The following CDC25B variants were observed in gnomAD, a reference collection of about 807,000 sequenced individuals.
CDC25B encodes cell division cycle 25B.
In CDC25B, 33 loss-of-function variants were observed where a neutral mutation model predicts 69.8. That is an observed-to-expected ratio of 0.47 (90% CI 0.36 to 0.63). The LOEUF is 0.63. Ranked by LOEUF, CDC25B falls within the 30% of genes least tolerant of loss-of-function variation. The pLI, the probability that CDC25B is intolerant of heterozygous loss-of-function variation, is 0.00. For missense variants in CDC25B, 727 were observed against 809.1 expected (o/e 0.90, Z 1.23); for synonymous variants, 341 against 314.6 (o/e 1.08, Z -0.89).
chr20:3,804,554 C>G lies in CDC25B; in HGVS notation c.1491-15C>G. 6.4e-7 allele frequency: 1 copy of G among 1,574,168 alleles called. No homozygotes were observed. ...CATGCCCCACTCTGACCACACCCTG[C>G]CCATGACGCCCCAGGTGCCGTTTCA... On this transcript the variant is annotated splice_polypyrimidine_tract_variant and intron_variant, in intron 14 of 15. Coordinates refer to ENST00000245960, the MANE Select transcript of CDC25B (RefSeq NM_021873.4).
upstream of CDC25B, chr20:3,795,769 G>A (rs1315739787): frequency 2.0e-6 from 2 of 985,398 alleles, no homozygotes; most frequent in Non-Finnish European, 2.4e-6. Context: ...CAGTCGCGGA[G>A]GCGGGGAGGC....
chr20:3,793,731 T>C (rs1781395333), upstream of CDC25B, among the ~76,000 whole-genome samples: 2 of 137,770 alleles, frequency 1.5e-5, no homozygotes, highest in South Asian at 2.5e-4. Flanking sequence ...GTATATCTCC[T>C]AATGCTATCC....
chr20:3,802,544 C>G (rs6107347), intron 11 of CDC25B, among the ~76,000 whole-genome samples, 168 bp downstream of exon 11: 4,943 of 152,250 alleles, frequency 0.032, 281 homozygotes, highest in African/African-American at 0.11. Context: ...TCCCTCTGGC[C>G]CTCCTTGTCT....
upstream of CDC25B, among the ~76,000 whole-genome samples, chr20:3,791,463 G>A (rs574379517): frequency 9.9e-5 from 15 of 152,186 alleles, no homozygotes; most frequent in East Asian, 7.7e-4. Context: ...CTGGTGGATC[G>A]CTTAAGCCCA....
rs1038934474 is a variant in CDC25B, at chr20:3,796,703, A to G, written c.172A>G (p.Thr58Ala). 1 of 1,563,722 alleles carries G rather than the reference A, an allele frequency of 6.4e-7. No homozygotes were observed. The highest frequency in any genetic ancestry group is 1.8e-5 in the Admixed American group (1 of 55,608). ...CTCGCCGGTCACCACCCTCACCCAG[A>G]CCATGCACGACCTCGCCGGGCTCGG... ...ASSPVTTLTQ[T>A]MHDLAGLGSE... is the part of the protein sequence containing the mutation. The change falls in exon 1 of 16, where the codon ACC (threonine) becomes GCC (alanine). Residue 58 changes from threonine to alanine, a missense_variant. Physicochemically the swap from Thr to Ala is moderately conservative, Grantham distance 58. Coordinates refer to ENST00000245960, the MANE Select transcript of CDC25B (RefSeq NM_021873.4).
chr20:3,796,336 C>T lies in CDC25B; in HGVS notation c.-196C>T. ...GAGGCTTCCCTGGCTGGTGCCTGAG[C>T]CCGGCGTCCCTCGCCCCCCGCCCTC... On this transcript the variant is annotated 5_prime_UTR_variant, in exon 1 of 16. Coordinates refer to ENST00000245960, the MANE Select transcript of CDC25B (RefSeq NM_021873.4). The T allele has an allele frequency of 1.5e-6, 2 of 1,325,100 alleles. No individual in the cohort carries two copies. The highest frequency in any genetic ancestry group is 1.9e-6 in the Non-Finnish European group (2 of 1,041,558). The allele number at this position is 1,325,100 out of a possible 1,614,324, so 82.1% of individuals were successfully genotyped here.
intron 9 of CDC25B, 43 bp from the exon 10 acceptor site, chr20:3,801,881 C>T (rs762381695): frequency 8.8e-6 from 14 of 1,586,486 alleles, no homozygotes; most frequent in African/African-American, 2.7e-5. Context: ...AGGGATGGGA[C>T]GGGGCCTGGG....
intron 1 of CDC25B, among the ~76,000 whole-genome samples, chr20:3,791,162 A>G (rs1002187102): frequency 2.0e-5 from 3 of 152,294 alleles, no homozygotes; most frequent in African/African-American, 4.8e-5. Context: ...CACCTCCCCT[A>G]TTGAAGACAA....
At position 3,798,326 on chromosome 20, in the gene CDC25B, T is replaced by G. The variant is rs905156038; in HGVS notation, c.329-86T>G. 1.5e-4 allele frequency: 105 copies of G among 693,750 alleles called. 1 individual carries two copies. The highest frequency in any genetic ancestry group is 9.5e-4 in the African/African-American group (50 of 52,906). The allele number at this position is 693,750 out of a possible 1,614,324, so 43.0% of individuals were successfully genotyped here. Reference sequence around the variant, plus strand: ...CCAAACTAGAAACTGTTTTTTTTTTTTTTTTTTTTTTCATATTGGGACATG... The same window carrying G: ...CCAAACTAGAAACTGTTTTTTTTTTGTTTTTTTTTTTCATATTGGGACATG... On this transcript the variant is annotated intron_variant, in intron 2 of 15. Transcript: ENST00000245960.
chr20:3,793,800 C>T (rs1221065247), upstream of CDC25B, among the ~76,000 whole-genome samples: 8 of 137,236 alleles, frequency 5.8e-5, no homozygotes, highest in South Asian at 2.4e-4. Context: ...CTTCCTGTGT[C>T]CATGTGTTCT....
At chr20:3,796,103 C>G (rs1600385010), upstream of CDC25B, 26 of 1,020,234 alleles carry the variant, frequency 2.5e-5, no homozygotes, top group Non-Finnish European at 3.0e-5. Flanking sequence ...GGGATCCTCG[C>G]GCCAGGGGGA....
chr20:3,797,858 C>G (rs966275983), intron 2 of CDC25B, 109 bp downstream of exon 2: 10 of 1,358,744 alleles, frequency 7.4e-6, no homozygotes, highest in Admixed American at 1.8e-5. Flanking sequence ...TCCCCACAAC[C>G]TGGTGGGCCC....
Position 3,801,337 on chromosome 20 carries a change from G to A in CDC25B, c.789G>A (p.Gly263=), listed in dbSNP as rs2089277563. ...LGRFSLTPAE[G]DTEEDDGFVD... ...GCTTCTCTCTGACCCCTGCAGAGGG[G>A]GATACTGAGGAAGATGATGGATTTG... is the stretch of plus-strand genomic sequence containing the variant. Residue 263 remains glycine (G), a synonymous_variant, in exon 8 of 16, where the codon GGG becomes GGA. Coordinates refer to ENST00000245960, the MANE Select transcript of CDC25B (RefSeq NM_021873.4). 6.2e-7 allele frequency: 1 copy of A among 1,613,888 alleles called. No homozygotes were observed. The highest frequency in any genetic ancestry group is 8.5e-7 in the Non-Finnish European group (1 of 1,179,936).
At chr20:3,796,092 C>T (rs1489341853), upstream of CDC25B, 3 of 1,012,526 alleles carry the variant, frequency 3.0e-6, no homozygotes, top group East Asian at 2.2e-4. Context: ...TTTGGGAGGC[C>T]GGGATCCTCG....
upstream of CDC25B, chr20:3,796,282 T>C: frequency 1.5e-6 from 2 of 1,354,558 alleles, no homozygotes; most frequent in East Asian, 3.2e-5. Flanking sequence ...TTCGAATATA[T>C]AAGGAGGTGG....
rs1025872460 is a variant in CDC25B, at chr20:3,797,315, C to T, written c.201-307C>T. ...CAGTTTAGGGGAAGGCTCTCTGGGGCGGCTCTGCTAGACCACCAACCCTTA... is the reference window on the plus strand; with the variant it reads ...CAGTTTAGGGGAAGGCTCTCTGGGGTGGCTCTGCTAGACCACCAACCCTTA... On this transcript the variant is annotated intron_variant, in intron 1 of 15. Transcript: ENST00000245960. Among the ~76,000 whole-genome samples the T allele has an allele frequency of 5.9e-5, 9 of 152,170 alleles. No individual in the cohort carries two copies. The East Asian group carries it at 9.6e-4, about 16-fold the overall frequency.
upstream of CDC25B, among the ~76,000 whole-genome samples, chr20:3,791,339 A>G (rs2088912248): frequency 6.6e-6 from 1 of 152,136 alleles, no homozygotes; most frequent in African/African-American, 2.4e-5. Context: ...TTGTCCTTCA[A>G]TAGTCCAGTC....
intron 4 of CDC25B, 52 bp from the exon 5 acceptor site, chr20:3,800,410 G>A (rs1354704752): frequency 6.2e-7 from 1 of 1,612,230 alleles, no homozygotes; most frequent in Non-Finnish European, 8.5e-7. Context: ...GCATGCTCTT[G>A]GTCCCTGCCC....
chr20:3,795,199 A>G (rs1464574185), upstream of CDC25B, among the ~76,000 whole-genome samples: 1 of 152,066 alleles, frequency 6.6e-6, no homozygotes, highest in Non-Finnish European at 1.5e-5. Context: ...CGTCTCTACT[A>G]AAAATACAAA....
Sources: gnomAD v4.1 joint callset for allele counts (sites outside exome capture counted in the v4.1 genomes callset) on GRCh38, gnomAD v4.1.1 for gene constraint, MANE v1.5 for transcripts, NCBI Gene and HGNC (gene_info 2026-07-23, HGNC 2026-07-21) for gene names.